Variants in SGO2 observed in about 807,000 individuals in gnomAD.
SGO2 encodes the protein shugoshin 2, also known as shugoshin-like 2.
A neutral mutation model predicts 99.5 loss-of-function variants in SGO2; 68 were observed. The observed-to-expected ratio is 0.68, with a 90% CI of 0.56 to 0.84. SGO2 has a LOEUF of 0.84. SGO2 is among the 40% of genes least tolerant of loss of function. The pLI is 0.00. For synonymous variants in SGO2, 457 were observed against 487.1 expected (o/e 0.94, Z 0.81); for missense variants, 1,350 against 1,436.7 (o/e 0.94, Z 0.97).
Position 200,526,752 on chromosome 2 carries a change from G to C in SGO2, c.-3+500G>C, listed in dbSNP as rs1041311225. Among the ~76,000 whole-genome samples the C allele has an allele frequency of 6.6e-6, 1 of 152,098 alleles. No individual in the cohort carries two copies. Among genetic ancestry groups the C allele is most frequent in the African/African-American group, 2.4e-5 (1 of 41,398 alleles). ...TGCTTGATGTACAGGTAGGATTTCAGTAGAGAATAGGGACAATGATTTTTT... is the reference window on the plus strand; with the variant it reads ...TGCTTGATGTACAGGTAGGATTTCACTAGAGAATAGGGACAATGATTTTTT... On this transcript the variant is annotated intron_variant, in intron 1 of 8. Coordinates refer to ENST00000357799, the MANE Select transcript of SGO2 (RefSeq NM_152524.6). This position sits in a 1 kb window ranked among gnomAD's most constrained non-coding sequence, Gnocchi z 4.8.
chr2:200,564,924 C>T (rs906674668), intron 5 of SGO2, among the ~76,000 whole-genome samples: 4 of 152,112 alleles, frequency 2.6e-5, no homozygotes, highest in African/African-American at 9.7e-5. Context: ...GTAGATCTTC[C>T]TCCATCCCTT....
chr2:200,542,860 C>T, intron 5 of SGO2, 196 bp downstream of exon 5: 1 of 399,248 alleles, frequency 2.5e-6, no homozygotes, highest in Non-Finnish European at 4.5e-6. Context: ...AATCCCCCAA[C>T]CAGGTTTATT....
At chr2:200,530,959 T>C (rs562797341) in intron 1 of SGO2, among the ~76,000 whole-genome samples, 1 of 152,290 alleles carries the variant, frequency 6.6e-6, no homozygotes, top group East Asian at 1.9e-4. Context: ...CTGCAGAGAA[T>C]TGGAGTGGTA....
At chr2:200,555,103 C>T (rs1099018) in intron 5 of SGO2, among the ~76,000 whole-genome samples, 120,825 of 152,180 alleles carry the variant, frequency 0.79, 48,186 homozygotes, top group Non-Finnish European at 0.83. Context: ...AACAATTCTT[C>T]AACCCTCTCA....
At chr2:200,553,420 T>A (rs976442432) in intron 5 of SGO2, among the ~76,000 whole-genome samples, 4 of 152,198 alleles carry the variant, frequency 2.6e-5, no homozygotes, top group African/African-American at 9.6e-5. Flanking sequence ...ATCCCTCTTG[T>A]TTCTTTTGAG....
intron 1 of SGO2, among the ~76,000 whole-genome samples, chr2:200,532,571 C>T (rs1415707821): frequency 1.3e-5 from 2 of 152,074 alleles, no homozygotes; most frequent in African/African-American, 4.8e-5. Flanking sequence ...ATTTCTCCAA[C>T]CCCCTTCCCC....
In SGO2 at chr2:200,573,397, C is replaced by CATAG; in HGVS notation, c.3051_3052insATAG (p.Ser1018IlefsTer6). ...TAACAGAATCTTCACAGACATCTATCTCCTTAGAATCTGATTTAAAACATA... is the reference window on the plus strand; with the variant it reads ...TAACAGAATCTTCACAGACATCTATCATAGTCCTTAGAATCTGATTTAAAACATA... On this transcript the variant is annotated frameshift_variant, in exon 7 of 9. Coordinates refer to ENST00000357799, the MANE Select transcript of SGO2 (RefSeq NM_152524.6). LOFTEE classifies it high-confidence loss of function. 1 of 1,602,730 alleles carries CATAG rather than the reference C, an allele frequency of 6.2e-7. No individual in the cohort carries two copies. The highest frequency in any genetic ancestry group is 8.5e-7 in the Non-Finnish European group (1 of 1,176,898).
At chr2:200,583,024 T>C (rs2106356896) in intron 8 of SGO2, among the ~76,000 whole-genome samples, 1 of 152,256 alleles carries the variant, frequency 6.6e-6, no homozygotes, top group South Asian at 2.1e-4. Context: ...AGGATAGTGG[T>C]CCCTTTTTGG....
Position 200,572,068 on chromosome 2 carries a change from C to A in SGO2, c.1722C>A (p.Ser574=), listed in dbSNP as rs1269831746. ...VTNEFHTANL[S]TKDNGNLCDY... ...ATGAATTTCACACAGCCAATCTTTCCACCAAAGATAATGGAAATTTATGTG... is the reference window on the plus strand; with the variant it reads ...ATGAATTTCACACAGCCAATCTTTCAACCAAAGATAATGGAAATTTATGTG... Residue 574 remains serine (S), a synonymous_variant, in exon 7 of 9, where the codon TCC becomes TCA. Transcript: ENST00000357799. The A allele has an allele frequency of 6.2e-7, 1 of 1,613,400 alleles. No individual in the cohort carries two copies. The highest frequency in any genetic ancestry group is 2.2e-5 in the East Asian group (1 of 44,848).
intron 4 of SGO2, among the ~76,000 whole-genome samples, chr2:200,537,077 T>C (rs1287486050): frequency 1.3e-5 from 2 of 152,140 alleles, no homozygotes; most frequent in African/African-American, 2.4e-5. Flanking sequence ...CTCCATATGA[T>C]TATGTGGAGT....
intron 5 of SGO2, among the ~76,000 whole-genome samples, chr2:200,566,431 A>G (rs1426628888): frequency 6.6e-6 from 1 of 152,140 alleles, no homozygotes; most frequent in African/African-American, 2.4e-5. Flanking sequence ...TTCCTCTGGA[A>G]GCTTCATCTC....
chr2:200,566,812 A>G (rs1178381453), intron 5 of SGO2, among the ~76,000 whole-genome samples: 3 of 152,104 alleles, frequency 2.0e-5, no homozygotes, highest in African/African-American at 7.2e-5. Flanking sequence ...TTGCAGTTCA[A>G]CCTCAGACTG....
At position 200,573,409 on chromosome 2, in the gene SGO2, T is replaced by C. The variant is rs1035686287; in HGVS notation, c.3063T>C (p.Ser1021=). The C allele has an allele frequency of 3.1e-6, 5 of 1,604,588 alleles. No homozygotes were observed. Among genetic ancestry groups the C allele is most frequent in the Non-Finnish European group, 4.2e-6 (5 of 1,177,402 alleles). ...ESSQTSISLE[S]DLKHITSEAD... ...CACAGACATCTATCTCCTTAGAATCTGATTTAAAACATATTACTAGTGAAG... is the reference window on the plus strand; with the variant it reads ...CACAGACATCTATCTCCTTAGAATCCGATTTAAAACATATTACTAGTGAAG... Residue 1021 remains serine, a synonymous_variant, in exon 7 of 9, where the codon TCT becomes TCC. Coordinates refer to ENST00000357799, the MANE Select transcript of SGO2 (RefSeq NM_152524.6).
chr2:200,563,049 A>T (rs2033037902), intron 5 of SGO2, among the ~76,000 whole-genome samples: 1 of 152,088 alleles, frequency 6.6e-6, no homozygotes, highest in African/African-American at 2.4e-5. Flanking sequence ...AATACCCTGT[A>T]TTTGTTTCTC....
At chr2:200,530,499 A>T (rs2031319765) in intron 1 of SGO2, among the ~76,000 whole-genome samples, 1 of 152,198 alleles carries the variant, frequency 6.6e-6, no homozygotes, top group African/African-American at 2.4e-5. Context: ...AAGAGATCCA[A>T]ACTGAGGACA....
chr2:200,529,966 T>TA (rs1401396578), intron 1 of SGO2, among the ~76,000 whole-genome samples: 2 of 152,194 alleles, frequency 1.3e-5, no homozygotes, highest in African/African-American at 4.8e-5. Context: ...ATAACCAGTA[T>TA]AAAGGACCTG....
At position 200,563,239 on chromosome 2, in the gene SGO2, C is replaced by A. The variant is rs537248956; in HGVS notation, c.474-6424C>A. Among the ~76,000 whole-genome samples the A allele has an allele frequency of 2.0e-5, 3 of 152,222 alleles. No homozygotes were observed. The East Asian group carries it at 5.8e-4, about 29-fold the overall frequency. ...TATTTTGAGATACATCCCATCAATA[C>A]CTAATTTATTGGGAGTTTTTAGCAT... On this transcript the variant is annotated intron_variant, in intron 5 of 8. Coordinates refer to ENST00000357799, the MANE Select transcript of SGO2 (RefSeq NM_152524.6).
chr2:200,531,034 T>C (rs1379733627), intron 1 of SGO2, among the ~76,000 whole-genome samples: 4 of 152,196 alleles, frequency 2.6e-5, no homozygotes, highest in Non-Finnish European at 5.9e-5. Context: ...TGTGTTTGTA[T>C]ATTGATGAGA....
At chr2:200,565,140 C>T (rs1039176553) in intron 5 of SGO2, among the ~76,000 whole-genome samples, 252 of 152,298 alleles carry the variant, frequency 1.7e-3, no homozygotes, top group African/African-American at 5.8e-3. Context: ...TTAGTTGATG[C>T]AGTTTCTTCC....
Sources: allele counts gnomAD v4.1 joint callset (sites outside exome capture counted in the v4.1 genomes callset), GRCh38; gene constraint gnomAD v4.1.1; non-coding constraint Gnocchi (gnomAD v3.1); transcripts MANE v1.5; gene names NCBI Gene and HGNC (gene_info 2026-07-23, HGNC 2026-07-21).